The following RCAN3 variants were observed in gnomAD, a reference collection of about 807,000 sequenced individuals.
The protein encoded by RCAN3 is calcipressin-3.
In RCAN3, 19 loss-of-function variants were observed where a neutral mutation model predicts 21.9. The ratio of observed to expected loss-of-function variants is 0.87; its 90% CI spans 0.61 to 1.27. The LOEUF (loss-of-function observed/expected upper bound fraction) is 1.27, where lower values mean the gene tolerates loss of function less well. RCAN3 is among the 50% of genes most tolerant of loss of function. The pLI, the probability that RCAN3 is intolerant of heterozygous loss-of-function variation, is 0.00. For synonymous variants in RCAN3, 114 were observed against 112.3 expected (o/e 1.01, Z -0.09); for missense variants, 240 against 300.1 (o/e 0.80, Z 1.48).
chr1:24,524,484 T>G lies in RCAN3; in HGVS notation c.196-6734T>G, dbSNP rs113058649. ...CCCAGAATTTTACAAGTACTCAGAT[T>G]ATCAAAGTAAAGTTTTTAAATTCAC... On this transcript the variant is annotated intron_variant, in intron 2 of 4. Transcript: ENST00000374395. Among the ~76,000 whole-genome samples the G allele has an allele frequency of 2.3e-3, 349 of 152,362 alleles. 3 individuals carry two copies. Among genetic ancestry groups the G allele is most frequent in the African/African-American group, 8.0e-3 (332 of 41,590 alleles).
Position 24,514,507 on chromosome 1 carries a change from GCCTA to G in RCAN3, c.139_142del (p.Thr47HisfsTer45). On this transcript the variant is annotated frameshift_variant, in exon 2 of 5. Transcript: ENST00000374395. LOFTEE classifies it high-confidence loss of function. ...ATGAGATGATGGATTTAAGTGATCT[GCCTA>G]CCTCACTTTTTGCTTGCAGCGTCCA... 1 of 1,614,138 alleles carries G rather than the reference GCCTA, an allele frequency of 6.2e-7. No individual in the cohort carries two copies. Among genetic ancestry groups the G allele is most frequent in the Non-Finnish European group, 8.5e-7 (1 of 1,180,024 alleles).
rs940596632 is a variant in RCAN3 at position 24,538,511 on chromosome 1, T to C, written c.*3234T>C. The stretch of plus-strand genomic sequence containing the variant: ...GCTCCGCCTCCCGGGTTCACGCCAT[T>C]CTCCTGCCTCAGCCTCCCAAGTAGC... On this transcript the variant is annotated 3_prime_UTR_variant, in exon 5 of 5. Transcript: ENST00000374395. The C allele has an allele frequency of 1.9e-4, 29 of 151,072 alleles. No homozygotes were observed. Among genetic ancestry groups the C allele is most frequent in the Non-Finnish European group, 3.2e-4 (22 of 67,908 alleles). The allele number at this position is 151,072 out of a possible 1,614,324, so 9.4% of individuals were successfully genotyped here.
chr1:24,512,846 A>G (rs1647997085), intron 1 of RCAN3, among the ~76,000 whole-genome samples: 1 of 152,216 alleles, frequency 6.6e-6, no homozygotes, highest in African/African-American at 2.4e-5. Context: ...GCAGACATGC[A>G]TAGAAACAGC....
At chr1:24,531,422 TA>T (rs747436243) in intron 3 of RCAN3, 31 bp downstream of exon 3, 8 of 1,468,330 alleles carry the variant, frequency 5.4e-6, no homozygotes, top group Non-Finnish European at 7.3e-6. Context: ...CACTGTTCTC[TA>T]AACTTGTTTT....
In RCAN3 at chr1:24,516,595, A is replaced by G. The variant is rs974462392; in HGVS notation, c.195+2028A>G. The stretch of plus-strand genomic sequence containing the variant: ...GAGAAATCGGACTAGAAGAGTGAGT[A>G]TGCGGCCACCCAGCAAAATCTCATG... On this transcript the variant is annotated intron_variant, in intron 2 of 4. Coordinates refer to ENST00000374395, the MANE Select transcript of RCAN3 (RefSeq NM_013441.4). 3.2e-4 allele frequency among the ~76,000 whole-genome samples: 48 copies of G among 152,310 alleles called. 1 individual carries two copies. Among genetic ancestry groups the G allele is most frequent in the African/African-American group, 1.1e-3 (46 of 41,568 alleles).
rs1307930017 is a variant in RCAN3, at chr1:24,536,948, A to G, written c.*1671A>G. On this transcript the variant is annotated 3_prime_UTR_variant, in exon 5 of 5. Transcript: ENST00000374395. The stretch of plus-strand genomic sequence containing the variant: ...TGCAATTCTATCAGCAATTTAATGT[A>G]TTGAATTCAGATCATCATTTGTCAT... The G allele has an allele frequency of 6.6e-6, 1 of 152,110 alleles. No individual in the cohort carries two copies. Among genetic ancestry groups the G allele is most frequent in the East Asian group, 1.9e-4 (1 of 5,202 alleles). 9.4% of individuals were successfully genotyped at this position (152,110 alleles called of 1,614,324 possible).
At chr1:24,534,638 G>A (rs56386478) in intron 4 of RCAN3, among the ~76,000 whole-genome samples, 11,746 of 149,176 alleles carry the variant, frequency 0.079, 1,067 homozygotes, top group African/African-American at 0.22. Context: ...CATCTCGACT[G>A]AAAATACAAA....
At position 24,530,356 on chromosome 1, in the gene RCAN3, C is replaced by CAAAAAAAAAAAAAAAAAAAAAA. The variant is rs56914359; in HGVS notation, c.196-860_196-839dup. 1.1e-4 allele frequency among the ~76,000 whole-genome samples: 9 copies of CAAAAAAAAAAAAAAAAAAAAAA among 81,494 alleles called. 1 individual carries two copies. Among genetic ancestry groups the CAAAAAAAAAAAAAAAAAAAAAA allele is most frequent in the African/African-American group, 3.0e-4 (6 of 20,306 alleles). 53.5% of individuals were successfully genotyped at this position (81,494 alleles called of 152,430 possible). On this transcript the variant is annotated intron_variant, in intron 2 of 4. Transcript: ENST00000374395. Reference sequence around the variant, plus strand: ...GGCAACAGAGTGAGACTCTTATCTCCAAAAAAAAAAAAAAAAAAAAAAAGA... The same window carrying CAAAAAAAAAAAAAAAAAAAAAA: ...GGCAACAGAGTGAGACTCTTATCTCCAAAAAAAAAAAAAAAAAAAAAAAAAAAAAAAAAAAAAAAAAAAAAGA...
intron 1 of RCAN3, among the ~76,000 whole-genome samples, chr1:24,512,977 C>G (rs1436892822): frequency 2.0e-5 from 3 of 152,194 alleles, no homozygotes; most frequent in Admixed American, 2.0e-4. Flanking sequence ...GTGGCTCACA[C>G]CTGTAATCCC....
At chr1:24,520,433 G>A (rs768938227) in intron 2 of RCAN3, among the ~76,000 whole-genome samples, 15 of 152,102 alleles carry the variant, frequency 9.9e-5, no homozygotes, top group Non-Finnish European at 1.6e-4. Flanking sequence ...GAAGACATCC[G>A]TATCTATGGA....
At chr1:24,505,225 C>CTTTTTTTTTTTTTTTTTTTTT (rs1351108344) in intron 1 of RCAN3, among the ~76,000 whole-genome samples, 3 of 109,554 alleles carry the variant, frequency 2.7e-5, no homozygotes, top group Non-Finnish European at 5.4e-5. Context: ...TTTTTTTTCT[C>CTTTTTTTTTTTTTTTTTTTTT]TTTTTTCTTT....
chr1:24,526,602 G>A (rs890838450), intron 2 of RCAN3, among the ~76,000 whole-genome samples: 3 of 152,104 alleles, frequency 2.0e-5, no homozygotes, highest in African/African-American at 7.2e-5. Flanking sequence ...CGTTGTGGGG[G>A]GCTAGGGATA....
intron 1 of RCAN3, among the ~76,000 whole-genome samples, chr1:24,508,243 A>T (rs538418410): frequency 1.8e-4 from 27 of 152,388 alleles, no homozygotes; most frequent in African/African-American, 5.8e-4. Context: ...AGGAAAGACC[A>T]ACAGGTAGAT....
chr1:24,529,151 T>TA (rs1649529599), intron 2 of RCAN3, among the ~76,000 whole-genome samples: 3 of 152,158 alleles, frequency 2.0e-5, no homozygotes, highest in East Asian at 1.9e-4. Context: ...CTCACGTCTT[T>TA]AATCCCAGCA....
intron 2 of RCAN3, among the ~76,000 whole-genome samples, chr1:24,519,632 A>G (rs1221450104): frequency 1.3e-5 from 2 of 152,148 alleles, no homozygotes; most frequent in African/African-American, 4.8e-5. Flanking sequence ...GTTTCTGATT[A>G]TGGTGGTTGA....
chr1:24,517,723 T>A (rs1056761705), intron 2 of RCAN3, among the ~76,000 whole-genome samples: 1 of 152,222 alleles, frequency 6.6e-6, no homozygotes, highest in Non-Finnish European at 1.5e-5. Flanking sequence ...CCAGATATGA[T>A]GGCTCATGCT....
chr1:24,521,585 C>G (rs1035155990), intron 2 of RCAN3, among the ~76,000 whole-genome samples: 1 of 152,128 alleles, frequency 6.6e-6, no homozygotes, highest in East Asian at 1.9e-4. Flanking sequence ...AAGTGGCTCA[C>G]GCCTGTAATC....
At chr1:24,518,489 G>A (rs1648523971) in intron 2 of RCAN3, among the ~76,000 whole-genome samples, 1 of 152,182 alleles carries the variant, frequency 6.6e-6, no homozygotes, top group Non-Finnish European at 1.5e-5. Flanking sequence ...AGCTCCATCA[G>A]GAGTGCGACA....
intron 2 of RCAN3, among the ~76,000 whole-genome samples, chr1:24,523,020 A>G (rs1438669598): frequency 6.6e-6 from 1 of 151,790 alleles, no homozygotes; most frequent in East Asian, 1.9e-4. Context: ...GTCAAATATC[A>G]GCATTTCTTC....
Sources: allele counts gnomAD v4.1 joint callset (sites outside exome capture counted in the v4.1 genomes callset), GRCh38; gene constraint gnomAD v4.1.1; transcripts MANE v1.5; gene names NCBI Gene and HGNC (gene_info 2026-07-23, HGNC 2026-07-21).